The following DLG1 variants were observed in gnomAD, a reference collection of about 807,000 sequenced individuals.
DLG1 encodes disks large homolog 1.
In DLG1, 42 loss-of-function variants were observed where a neutral mutation model predicts 123.4. The observed-to-expected ratio is 0.34, with a 90% confidence interval of 0.27 to 0.44. The LOEUF (loss-of-function observed/expected upper bound fraction) is 0.44, where lower values mean the gene tolerates loss of function less well. DLG1 is among the 20% of genes least tolerant of loss of function. The pLI is 1.00. For synonymous variants in DLG1, 317 were observed against 356.2 expected, an observed-to-expected ratio of 0.89 and a Z score of 1.24; for missense variants, 942 against 1,082.6, an observed-to-expected ratio of 0.87 and a Z score of 1.82.
At chr3:197,068,386 A>C in intron 19 of DLG1, 1 of 734,292 alleles carries the variant, frequency 1.4e-6, no homozygotes, top group Non-Finnish European at 2.2e-6. Flanking sequence ...TCCACACCAA[A>C]AAAAAAATCA....
intron 14 of DLG1, 48 bp from the exon 15 acceptor site, chr3:197,091,074 G>A: frequency 7.8e-7 from 1 of 1,283,454 alleles, no homozygotes; most frequent in Non-Finnish European, 1.1e-6. Context: ...CAAAAAATAA[G>A]TTATTTGAAG....
At chr3:197,082,707 C>T (rs1751920240) in intron 16 of DLG1, among the ~76,000 whole-genome samples, 1 of 152,010 alleles carries the variant, frequency 6.6e-6, no homozygotes, top group South Asian at 2.1e-4. Context: ...CATTCAAGAA[C>T]GAAATGGCAT....
chr3:197,157,002 T>C (rs910168609), intron 5 of DLG1, among the ~76,000 whole-genome samples: 1 of 152,126 alleles, frequency 6.6e-6, no homozygotes, highest in African/African-American at 2.4e-5. Context: ...CACATGGGAA[T>C]AGAAGGAAAC....
At chr3:197,049,732 G>T (rs1172732371) in intron 24 of DLG1, among the ~76,000 whole-genome samples, 6 of 151,716 alleles carry the variant, frequency 4.0e-5, no homozygotes, top group African/African-American at 1.5e-4. Context: ...GGCAGCAAGA[G>T]CAAAACTCCA....
intron 3 of DLG1, among the ~76,000 whole-genome samples, chr3:197,294,615 G>A (rs565453876): frequency 7.0e-6 from 1 of 142,594 alleles, no homozygotes; most frequent in South Asian, 2.2e-4. Flanking sequence ...CGGAGATCTC[G>A]CCACTGCACT....
chr3:197,138,507 C>T, intron 8 of DLG1, 116 bp from the exon 9 acceptor site: 1 of 413,020 alleles, frequency 2.4e-6, no homozygotes. Context: ...ATAAATAATT[C>T]TGGAGTAATT....
intron 4 of DLG1, among the ~76,000 whole-genome samples, chr3:197,221,766 C>G (rs993532613): frequency 2.6e-5 from 4 of 152,188 alleles, no homozygotes; most frequent in Non-Finnish European, 5.9e-5. Flanking sequence ...CTTTGCCCAA[C>G]ACTACAATCT....
chr3:197,255,883 T>C (rs533938428), intron 4 of DLG1, among the ~76,000 whole-genome samples: 2 of 152,296 alleles, frequency 1.3e-5, no homozygotes, highest in East Asian at 1.9e-4. Context: ...TGGATAGTGA[T>C]TGCAGTTATA....
chr3:197,245,648 T>C (rs975672943), intron 4 of DLG1, among the ~76,000 whole-genome samples: 2 of 152,144 alleles, frequency 1.3e-5, no homozygotes, highest in Non-Finnish European at 2.9e-5. Context: ...TTGGTTAGCA[T>C]TTCTCTTTGG....
chr3:197,042,976 GA>G lies in DLG1; in HGVS notation c.*1646del, dbSNP rs1721060845. On this transcript the variant is annotated 3_prime_UTR_variant, in exon 25 of 25. Coordinates refer to ENST00000667157, the MANE Select transcript of DLG1 (RefSeq NM_001366207.1). ...GCTGTTCTCCTCTTCTTCATAAATG[GA>G]ATGGATAATGTTGATAATTCTTTAC... 6.6e-6 allele frequency: 1 copy of G among 152,070 alleles called. No individual in the cohort carries two copies. The highest frequency in any genetic ancestry group is 1.5e-5 in the Non-Finnish European group (1 of 68,024). The allele number at this position is 152,070 out of a possible 1,614,324, so 9.4% of individuals were successfully genotyped here.
intron 4 of DLG1, among the ~76,000 whole-genome samples, chr3:197,264,192 T>C (rs1760731742): frequency 6.6e-6 from 1 of 152,238 alleles, no homozygotes; most frequent in Non-Finnish European, 1.5e-5. Flanking sequence ...CCACAACCAC[T>C]TTTTAATGAT....
chr3:197,291,720 T>C (rs935601883), intron 3 of DLG1, among the ~76,000 whole-genome samples: 2 of 152,182 alleles, frequency 1.3e-5, no homozygotes, highest in African/African-American at 4.8e-5. Flanking sequence ...CAATTTAGCA[T>C]CTGAGGGTCC....
rs571401344 is a variant in DLG1, at chr3:197,056,028, G to A, written c.2483+3861C>T. Among the ~76,000 whole-genome samples, 30 of 152,314 alleles carry A rather than the reference G, an allele frequency of 2.0e-4. 1 individual carries two copies. Among genetic ancestry groups the A allele is most frequent in the South Asian group, 1.0e-3 (5 of 4,830 alleles). ...ATGTGTACATGGCTACATGCTATGG[G>A]ACTGAGGGTAGACGAACAGGTAGTT... On this transcript the variant is annotated intron_variant, in intron 23 of 24. Coordinates refer to ENST00000667157, the MANE Select transcript of DLG1 (RefSeq NM_001366207.1).
Position 197,149,775 on chromosome 3 carries a change from C to T in DLG1, c.505G>A (p.Val169Ile), listed in dbSNP as rs1489345588. 1 of 1,599,248 alleles carries T rather than the reference C, an allele frequency of 6.3e-7. No homozygotes were observed. The highest frequency in any genetic ancestry group is 8.6e-7 in the Non-Finnish European group (1 of 1,168,348). ...PIKANPPPVL[V>I]NTDSLETPTY... ...GGTGTTTCCAAGCTATCTGTGTTGA[C>T]CAGTACTGGGGGAGGATTTGCCTTT... The change falls in exon 6 of 25, where the codon GTC becomes ATC. Residue 169 changes from valine to isoleucine, a missense_variant. Physicochemically the swap from Val to Ile is conservative, Grantham distance 29 (BLOSUM62 3). Coordinates refer to ENST00000667157, the MANE Select transcript of DLG1 (RefSeq NM_001366207.1).
intron 2 of DLG1, 91 bp downstream of exon 2, chr3:197,297,095 G>C (rs768168004): frequency 6.3e-6 from 9 of 1,426,618 alleles, no homozygotes; most frequent in Non-Finnish European, 8.9e-6. Context: ...TCTCATCAAA[G>C]TTACACAAAC....
At chr3:197,245,903 G>GC (rs1387735505) in intron 4 of DLG1, among the ~76,000 whole-genome samples, 2 of 142,034 alleles carry the variant, frequency 1.4e-5, no homozygotes, top group South Asian at 2.5e-4. Context: ...TTTTTTTTGG[G>GC]GGGGGGGGAG....
At chr3:197,279,458 TAG>T (rs1335076324) in intron 4 of DLG1, among the ~76,000 whole-genome samples, 1 of 152,196 alleles carries the variant, frequency 6.6e-6, no homozygotes, top group East Asian at 1.9e-4. Context: ...ATGTTCCCCT[TAG>T]AGTCTATTCA....
Position 197,136,618 on chromosome 3 carries a change from A to T in DLG1, c.944T>A (p.Ile315Asn). ...GNQHIPGDNSIYVTKIIEGGA... is the reference protein window; with the variant it reads ...GNQHIPGDNSNYVTKIIEGGA... ...TCCTTCAATTATTTTGGTTACATAG[A>T]TGCTATTATCCCCAGGAATATGCTG... The change falls in exon 10 of 25, where the codon ATC (isoleucine) becomes AAC (asparagine). Residue 315 changes from isoleucine to asparagine, a missense_variant. By Grantham distance (149) the Ile-to-Asn change is moderately radical. Coordinates refer to ENST00000667157, the MANE Select transcript of DLG1 (RefSeq NM_001366207.1). 1 of 1,613,600 alleles carries T rather than the reference A, an allele frequency of 6.2e-7. No homozygotes were observed. Among genetic ancestry groups the T allele is most frequent in the Non-Finnish European group, 8.5e-7 (1 of 1,179,724 alleles).
intron 4 of DLG1, among the ~76,000 whole-genome samples, chr3:197,267,144 T>C (rs1321107898): frequency 6.6e-6 from 1 of 152,206 alleles, no homozygotes; most frequent in Non-Finnish European, 1.5e-5. Flanking sequence ...CTTAAGGTAG[T>C]AGTAAATACA....
Sources: allele counts gnomAD v4.1 joint callset (sites outside exome capture counted in the v4.1 genomes callset), GRCh38; gene constraint gnomAD v4.1.1; transcripts MANE v1.5; gene names NCBI Gene and HGNC (gene_info 2026-07-23, HGNC 2026-07-21).